The following ANKRD13C variants were observed in gnomAD, a reference collection of about 807,000 sequenced individuals.
ANKRD13C encodes the protein ankyrin repeat domain 13C.
ANKRD13C carries 16 observed loss-of-function variants against 65.5 expected under a neutral mutation model. That is an observed-to-expected ratio of 0.24 (90% CI 0.17 to 0.37). The LOEUF (loss-of-function observed/expected upper bound fraction) is 0.37. Among genes scored for constraint, ANKRD13C ranks in the 10% least tolerant of loss-of-function variants. ANKRD13C has a pLI of 1.00. For synonymous variants in ANKRD13C, 235 were observed against 238.7 expected (o/e 0.98, Z 0.14); for missense variants, 503 against 655.9 (o/e 0.77, Z 2.55).
chr1:70,346,611 ATT>A (rs1156277519), intron 1 of ANKRD13C, among the ~76,000 whole-genome samples: 2 of 152,148 alleles, frequency 1.3e-5, no homozygotes, highest in African/African-American at 4.8e-5. Flanking sequence ...AAAGGGGATA[ATT>A]TCTGCATTCT....
At chr1:70,320,412 C>T (rs1681256328) in intron 3 of ANKRD13C, among the ~76,000 whole-genome samples, 3 of 151,988 alleles carry the variant, frequency 2.0e-5, no homozygotes. Context: ...CAGCTCACCA[C>T]AGCCTCAGCC....
chr1:70,286,375 A>T (rs1679624822), intron 9 of ANKRD13C, among the ~76,000 whole-genome samples: 1 of 152,200 alleles, frequency 6.6e-6, no homozygotes, highest in South Asian at 2.1e-4. Context: ...TAATCTTAAA[A>T]GGATTACTAT....
intron 1 of ANKRD13C, among the ~76,000 whole-genome samples, chr1:70,338,614 G>T (rs866078877): frequency 5.9e-5 from 9 of 152,156 alleles, no homozygotes; most frequent in Middle Eastern, 6.8e-3. Flanking sequence ...TGGCCAGTCA[G>T]ATCTCAAACT....
chr1:70,321,447 C>T (rs1013639973), intron 3 of ANKRD13C, among the ~76,000 whole-genome samples: 2 of 152,030 alleles, frequency 1.3e-5, no homozygotes, highest in South Asian at 2.1e-4. Flanking sequence ...CTGTCTCTTC[C>T]TCCACATTAA....
chr1:70,306,088 C>T (rs903527306), intron 6 of ANKRD13C, 136 bp downstream of exon 6: 7 of 488,400 alleles, frequency 1.4e-5, no homozygotes, highest in African/African-American at 4.0e-5. Context: ...TATTATGTCT[C>T]GAATGAGATA....
At chr1:70,277,138 G>A (rs1478456541) in intron 9 of ANKRD13C, among the ~76,000 whole-genome samples, 3 of 152,118 alleles carry the variant, frequency 2.0e-5, no homozygotes, top group Non-Finnish European at 2.9e-5. Context: ...ACTAGCTGCT[G>A]AACATGGAAC....
chr1:70,263,582 T>C (rs1429241671), intron 12 of ANKRD13C, among the ~76,000 whole-genome samples: 1 of 152,194 alleles, frequency 6.6e-6, no homozygotes, highest in African/African-American at 2.4e-5. Context: ...TGGATTCAGA[T>C]TCCTATAAAT....
chr1:70,354,250 G>A lies in ANKRD13C; in HGVS notation c.159C>T (p.Ile53=), dbSNP rs765585850. ...GTAGCCGGTGGTGATGGTTACTGAA[G>A]ATCTTATGACAAGCTTTGCCGCCCT... ...IGKGGKACHK[I]FSNHHHRLQL... Residue 53 remains isoleucine, a synonymous_variant, in exon 1 of 13, where the codon ATC becomes ATT. Coordinates refer to ENST00000370944, the MANE Select transcript of ANKRD13C (RefSeq NM_030816.5). 3.1e-6 allele frequency: 5 copies of A among 1,613,440 alleles called. No individual in the cohort carries two copies. The highest frequency in any genetic ancestry group is 3.4e-6 in the Non-Finnish European group (4 of 1,180,036).
At chr1:70,332,608 G>A (rs1216603228) in intron 2 of ANKRD13C, among the ~76,000 whole-genome samples, 1 of 152,108 alleles carries the variant, frequency 6.6e-6, no homozygotes, top group South Asian at 2.1e-4. Flanking sequence ...TGGGATTACA[G>A]GCATGTGCCA....
At chr1:70,291,111 A>G (rs1211482324) in intron 9 of ANKRD13C, among the ~76,000 whole-genome samples, 2 of 151,464 alleles carry the variant, frequency 1.3e-5, no homozygotes, top group Non-Finnish European at 2.9e-5. Context: ...CAGCTCCACA[A>G]CCTCCACCTC....
rs1026938504 is a variant in ANKRD13C at position 70,352,438 on chromosome 1, TAAAC to T, written c.430+1537_430+1540del. 4.6e-5 allele frequency among the ~76,000 whole-genome samples: 7 copies of T among 152,090 alleles called. No individual in the cohort carries two copies. The East Asian group carries it at 1.4e-3, about 29-fold the overall frequency. On this transcript the variant is annotated intron_variant, in intron 1 of 12. Coordinates refer to ENST00000370944, the MANE Select transcript of ANKRD13C (RefSeq NM_030816.5). ...AATTACTTTGAACAGAATTTGAACT[TAAAC>T]AAATGTACTCCTAAATGTTGGGTTG...
intron 6 of ANKRD13C, among the ~76,000 whole-genome samples, chr1:70,301,316 T>C (rs989445366): frequency 3.9e-5 from 6 of 152,162 alleles, no homozygotes; most frequent in Admixed American, 3.3e-4. Flanking sequence ...TTTCCCTTAC[T>C]GTAGCTACTC....
intron 9 of ANKRD13C, among the ~76,000 whole-genome samples, chr1:70,283,569 C>T (rs959901145): frequency 6.6e-6 from 1 of 151,966 alleles, no homozygotes; most frequent in Admixed American, 6.6e-5. Context: ...GTAATCCCAG[C>T]ACTTTAGGAG....
At chr1:70,283,484 A>G (rs1161042480) in intron 9 of ANKRD13C, among the ~76,000 whole-genome samples, 2 of 152,066 alleles carry the variant, frequency 1.3e-5, no homozygotes, top group Non-Finnish European at 1.5e-5. Flanking sequence ...ATATTCATGT[A>G]TTTTATTATG....
At chr1:70,332,060 G>A (rs1681833066) in intron 2 of ANKRD13C, among the ~76,000 whole-genome samples, 1 of 152,160 alleles carries the variant, frequency 6.6e-6, no homozygotes, top group Non-Finnish European at 1.5e-5. Context: ...GTAATTGGTT[G>A]TGTCTACTCT....
intron 4 of ANKRD13C, among the ~76,000 whole-genome samples, chr1:70,314,195 T>C (rs1229948202): frequency 1.3e-5 from 2 of 151,804 alleles, no homozygotes; most frequent in Non-Finnish European, 2.9e-5. Context: ...ATCTGAAACA[T>C]GTCATCATAT....
intron 10 of ANKRD13C, among the ~76,000 whole-genome samples, chr1:70,275,449 A>G (rs1038011437): frequency 2.0e-5 from 3 of 152,020 alleles, no homozygotes; most frequent in African/African-American, 7.2e-5. Flanking sequence ...TTCCTTATAC[A>G]GTTAAAAAAA....
Position 70,270,912 on chromosome 1 carries a change from T to G in ANKRD13C, c.1439A>C (p.Asn480Thr). 1 of 1,613,492 alleles carries G rather than the reference T, an allele frequency of 6.2e-7. No homozygotes were observed. The highest frequency in any genetic ancestry group is 8.5e-7 in the Non-Finnish European group (1 of 1,179,664). The change falls in exon 12 of 13, where the codon AAC (asparagine) becomes ACC (threonine). Residue 480 changes from asparagine (N) to threonine (T), a missense_variant. By Grantham distance (65) the Asn-to-Thr change is moderately conservative (BLOSUM62 0). Coordinates refer to ENST00000370944, the MANE Select transcript of ANKRD13C (RefSeq NM_030816.5). Reference sequence around the variant, plus strand: ...CATCTGAACAAATTCTCTAAGCTTGTTAAAGTGCTTGAAGGGAGCTACTAC... The same window carrying G: ...CATCTGAACAAATTCTCTAAGCTTGGTAAAGTGCTTGAAGGGAGCTACTAC... ...LEVVAPFKHF[N>T]KLREFVQMKL...
intron 7 of ANKRD13C, among the ~76,000 whole-genome samples, chr1:70,298,274 A>T (rs1254955327): frequency 6.6e-6 from 1 of 152,200 alleles, no homozygotes; most frequent in Non-Finnish European, 1.5e-5. Flanking sequence ...CTTTTGGAAC[A>T]GAATTCTTAT....
Sources: allele counts gnomAD v4.1 joint callset (sites outside exome capture counted in the v4.1 genomes callset), GRCh38; gene constraint gnomAD v4.1.1; transcripts MANE v1.5; gene names NCBI Gene and HGNC (gene_info 2026-07-23, HGNC 2026-07-21).